Variants in RTBDN observed in about 807,000 individuals in gnomAD.
The protein encoded by RTBDN is retbindin.
RTBDN carries 24 observed loss-of-function variants against 21.9 expected under a neutral mutation model. That is an observed-to-expected ratio of 1.10 (90% CI 0.79 to 1.54). RTBDN has a LOEUF of 1.54. Ranked by LOEUF, RTBDN falls within the 40% of genes most tolerant of loss-of-function variation. The probability of loss-of-function intolerance (pLI) is 0.00; values close to 1 mark genes in which losing one functional copy is unlikely to be tolerated. For synonymous variants in RTBDN, 141 were observed against 125.9 expected, an observed-to-expected ratio of 1.12 and a Z score of -0.80; for missense variants, 325 against 315.2, an observed-to-expected ratio of 1.03 and a Z score of -0.23.
At chr19:12,828,848 G>T in intron 3 of RTBDN, 21 bp downstream of exon 3, 1 of 1,614,166 alleles carries the variant, frequency 6.2e-7, no homozygotes, top group Non-Finnish European at 8.5e-7. Context: ...GCGAGAAAAC[G>T]GTGGAGGGTG....
At chr19:12,833,058 C>T (rs967213909) in intron 1 of RTBDN, 1 of 152,252 alleles carries the variant, frequency 6.6e-6, no homozygotes, top group Non-Finnish European at 1.5e-5. Flanking sequence ...CTAATCGCTC[C>T]TATAAATACA....
chr19:12,829,731 A>G, intron 2 of RTBDN, 80 bp downstream of exon 2: 1 of 1,463,660 alleles, frequency 6.8e-7, no homozygotes, highest in South Asian at 1.2e-5. Context: ...CCCCTCTCAT[A>G]AGGAAATTCT....
chr19:12,834,654 G>T, upstream of RTBDN: 1 of 1,532,772 alleles, frequency 6.5e-7, no homozygotes. This position sits in a 1 kb window ranked among gnomAD's most constrained non-coding sequence, Gnocchi z 4.7. Context: ...GCTCCTTGCA[G>T]CCTTAGAAGA....
chr19:12,826,057 G>A, intron 5 of RTBDN, 124 bp from the exon 6 acceptor site: 2 of 1,424,468 alleles, frequency 1.4e-6, no homozygotes, highest in Non-Finnish European at 1.8e-6. Context: ...CGTGCGGCCT[G>A]GGAGTCTATG....
Position 12,829,848 on chromosome 19 carries a change from C to T in RTBDN, c.132G>A (p.Leu44=). The T allele has an allele frequency of 6.2e-7, 1 of 1,613,874 alleles. No homozygotes were observed. Among genetic ancestry groups the T allele is most frequent in the Non-Finnish European group, 8.5e-7 (1 of 1,179,778 alleles). ...LQARSQQHHG[L]AADLGKGKLH... ...GCTTGCCTTTGCCCAGATCAGCTGC[C>T]AGCCCATGGTGTTGCTGGGACCTGG... is the stretch of plus-strand genomic sequence containing the variant. Residue 44 remains leucine, a synonymous_variant, in exon 2 of 6, where the codon CTG becomes CTA. Transcript: ENST00000674343.
intron 1 of RTBDN, among the ~76,000 whole-genome samples, chr19:12,831,013 T>TG (rs1969552422): frequency 8.9e-6 from 1 of 112,540 alleles, no homozygotes; most frequent in Admixed American, 9.7e-5. Flanking sequence ...CTTGGTGGAG[T>TG]GGTTGTGTGT....
chr19:12,826,651 G>A (rs757570643), intron 5 of RTBDN, 124 bp downstream of exon 5: 137 of 773,464 alleles, frequency 1.8e-4, no homozygotes, highest in Admixed American at 7.4e-5. Flanking sequence ...CTGAGATCGC[G>A]CCACTGCACT....
rs56204944 is a variant in RTBDN, at chr19:12,831,016, TTGTGTGTG to T, written c.-18-1027_-18-1020del. On this transcript the variant is annotated intron_variant, in intron 1 of 5. Transcript: ENST00000674343. Reference sequence around the variant, plus strand: ...TTATGTGTGTTTCTTGGTGGAGTGGTTGTGTGTGTGTGTGTGTGTGTGTGTGTGTGTGT... The same window carrying T: ...TTATGTGTGTTTCTTGGTGGAGTGGTTGTGTGTGTGTGTGTGTGTGTGTGT... 4.1e-3 allele frequency among the ~76,000 whole-genome samples: 540 copies of T among 132,454 alleles called. 5 individuals are homozygous for T. Among genetic ancestry groups the T allele is most frequent in the African/African-American group, 9.9e-3 (344 of 34,790 alleles). The allele number at this position is 132,454 out of a possible 152,430, so 86.9% of individuals were successfully genotyped here. A position where few individuals can be genotyped will look rare whatever the true frequency, so the allele number is the denominator to read the frequency against.
At chr19:12,826,389 A>G (rs1305592920) in intron 5 of RTBDN, 35 of 1,273,264 alleles carry the variant, frequency 2.7e-5, no homozygotes, top group Non-Finnish European at 3.2e-5. Context: ...GGGTCTAGAC[A>G]CGGTAAGAAA....
Position 12,826,567 on chromosome 19 carries a change from G to A in RTBDN, c.462+208C>T, listed in dbSNP as rs765040748. On this transcript the variant is annotated intron_variant, in intron 5 of 5. Coordinates refer to ENST00000674343, the MANE Select transcript of RTBDN (RefSeq NM_001270441.2). ...AAATTAGCTGGGCATGGTGGCATGC[G>A]CCTGAAATCCCAGCTATTCGGGAGG... 2.4e-4 allele frequency: 168 copies of A among 701,382 alleles called. 2 individuals are homozygous for A. In the South Asian group the frequency reaches 3.0e-3, roughly 12 times the overall value. The allele number at this position is 701,382 out of a possible 1,614,324, so 43.4% of individuals were successfully genotyped here. A position where few individuals can be genotyped will look rare whatever the true frequency, so the allele number is the denominator to read the frequency against.
chr19:12,831,188 G>A (rs992644823), intron 1 of RTBDN, among the ~76,000 whole-genome samples: 3 of 152,138 alleles, frequency 2.0e-5, no homozygotes, highest in Admixed American at 6.6e-5. Flanking sequence ...AATGTTGGAA[G>A]TCAGTGGATA....
At chr19:12,826,300 T>C in intron 5 of RTBDN, 1 of 1,208,806 alleles carries the variant, frequency 8.3e-7, no homozygotes, top group Non-Finnish European at 1.0e-6. Flanking sequence ...GCTTTTGGGG[T>C]CAAAGGGCAC....
Position 12,830,507 on chromosome 19 carries a change from G to A in RTBDN, c.-18-510C>T, listed in dbSNP as rs111975698. Reference sequence around the variant, plus strand: ...TTTGGGACCAAGGCTGGTGTGGCAGGGCTCAGGTTCTGTCACTGGGGCCCA... The same window carrying A: ...TTTGGGACCAAGGCTGGTGTGGCAGAGCTCAGGTTCTGTCACTGGGGCCCA... On this transcript the variant is annotated intron_variant, in intron 1 of 5. Transcript: ENST00000674343. This position sits in a 1 kb window ranked among gnomAD's most constrained non-coding sequence, Gnocchi z 4.2. 1.6e-5 allele frequency: 16 copies of A among 985,166 alleles called. No individual in the cohort carries two copies. The highest frequency in any genetic ancestry group is 1.4e-4 in the African/African-American group (8 of 57,364). The allele number at this position is 985,166 out of a possible 1,614,324, so 61.0% of individuals were successfully genotyped here.
rs537117488 is a variant in RTBDN, at chr19:12,825,921, C to A, written c.475G>T (p.Gly159Trp). Residue 159 changes from glycine (G) to tryptophan (W), a missense_variant, in exon 6 of 6, where the codon GGG (glycine) becomes TGG (tryptophan). By Grantham distance (184) the Gly-to-Trp change is radical. Coordinates refer to ENST00000674343, the MANE Select transcript of RTBDN (RefSeq NM_001270441.2). ...AGAGCCGAGCGACAAAGGTCCGTCC[C>A]GTCTGCGAAGGTCTAGGAAAAAGTG... is the stretch of plus-strand genomic sequence containing the variant. ...CLTYGQTFAD[G>W]TDLCRSALGH... 1.9e-6 allele frequency: 3 copies of A among 1,589,230 alleles called. No homozygotes were observed. The highest frequency in any genetic ancestry group is 2.6e-6 in the Non-Finnish European group (3 of 1,164,980).
chr19:12,829,525 TAAC>T (rs2145856152), intron 2 of RTBDN, among the ~76,000 whole-genome samples: 1 of 152,214 alleles, frequency 6.6e-6, no homozygotes, highest in East Asian at 1.9e-4. Context: ...TGCTTAATCT[TAAC>T]AACAGCTCTG....
chr19:12,831,163 T>C (rs1015827954), intron 1 of RTBDN, among the ~76,000 whole-genome samples: 6 of 152,018 alleles, frequency 3.9e-5, no homozygotes, highest in African/African-American at 1.2e-4. Flanking sequence ...AGCATTGGGT[T>C]AGTGTCCCTG....
Position 12,830,184 on chromosome 19 carries a change from C to A in RTBDN, c.-18-187G>T. 7.5e-7 allele frequency: 1 copy of A among 1,327,442 alleles called. No homozygotes were observed. The highest frequency in any genetic ancestry group is 1.7e-5 in the South Asian group (1 of 59,156). The allele number at this position is 1,327,442 out of a possible 1,614,324, so 82.2% of individuals were successfully genotyped here. ...AGGGCCTGCCTCCAACCTAGGAGCC[C>A]CCCTCCCATCAGAACCATGTCCTCT... On this transcript the variant is annotated intron_variant, in intron 1 of 5. Coordinates refer to ENST00000674343, the MANE Select transcript of RTBDN (RefSeq NM_001270441.2). The surrounding 1 kb of genome is among the most constrained non-coding windows in gnomAD (Gnocchi z 4.2).
In RTBDN at chr19:12,834,179, C is replaced by A. The variant is rs1297719465; in HGVS notation, c.-19+310G>T. Among the ~76,000 whole-genome samples the A allele has an allele frequency of 6.6e-6, 1 of 152,132 alleles. No homozygotes were observed. The highest frequency in any genetic ancestry group is 1.5e-5 in the Non-Finnish European group (1 of 68,000). ...CGCGCGTCCCGCCGCGCTGGGGACC[C>A]CGCCCCTCAGGCGCCGCCCGGCGAT... On this transcript the variant is annotated intron_variant, in intron 1 of 5. Transcript: ENST00000674343. The surrounding 1 kb of genome is among the most constrained non-coding windows in gnomAD (Gnocchi z 4.7).
At position 12,829,800 on chromosome 19, in the gene RTBDN, G is replaced by A. The variant is rs754524830; in HGVS notation, c.169+11C>T. 4 of 1,605,054 alleles carry A rather than the reference G, an allele frequency of 2.5e-6. No individual in the cohort carries two copies. The highest frequency in any genetic ancestry group is 3.4e-6 in the Non-Finnish European group (4 of 1,172,712). On this transcript the variant is annotated intron_variant, in intron 2 of 5. Transcript: ENST00000674343. ...GGGTGTTGGTGGTGAGGCAGGGTCT[G>A]GGGTGCTCACCTGCCAGGTGCAGCT...
Sources: gnomAD v4.1 joint callset for allele counts (sites outside exome capture counted in the v4.1 genomes callset) on GRCh38, gnomAD v4.1.1 for gene constraint, Gnocchi (gnomAD v3.1) non-coding constraint, MANE v1.5 for transcripts, NCBI Gene and HGNC (gene_info 2026-07-23, HGNC 2026-07-21) for gene names.